The following RPTOR variants were observed in gnomAD, a reference collection of about 807,000 sequenced individuals.
RPTOR encodes regulatory associated protein of MTOR complex 1.
In RPTOR, 21 loss-of-function variants were observed where a neutral mutation model predicts 169.9. The ratio of observed to expected loss-of-function variants is 0.12; its 90% CI spans 0.09 to 0.18. The LOEUF (loss-of-function observed/expected upper bound fraction) is 0.18. RPTOR is among the 10% of genes least tolerant of loss of function. RPTOR has a pLI of 1.00. For missense variants in RPTOR, 1,133 were observed against 1,855.9 expected (o/e 0.61, Z 7.16); for synonymous variants, 732 against 753.2 (o/e 0.97, Z 0.46).
chr17:80,736,886 G>A (rs1304206511), intron 5 of RPTOR, among the ~76,000 whole-genome samples: 2 of 152,182 alleles, frequency 1.3e-5, no homozygotes, highest in African/African-American at 2.4e-5. Flanking sequence ...TTCAGAGGAG[G>A]GATCTGCGGT....
chr17:80,929,259 T>C (rs758500345), intron 24 of RPTOR, among the ~76,000 whole-genome samples: 4 of 152,228 alleles, frequency 2.6e-5, no homozygotes, highest in Admixed American at 6.5e-5. Context: ...ACAAAATGCT[T>C]GCACGAGCTC....
chr17:80,858,052 C>T (rs1316280629), intron 13 of RPTOR, 152 bp downstream of exon 13: 29 of 661,096 alleles, frequency 4.4e-5, no homozygotes, highest in East Asian at 8.2e-5. Context: ...TAAAGTGGGA[C>T]GCGCCCGCCT....
chr17:80,917,664 G>C (rs1470676487), intron 21 of RPTOR, among the ~76,000 whole-genome samples: 1 of 152,304 alleles, frequency 6.6e-6, no homozygotes, highest in East Asian at 1.9e-4. Flanking sequence ...GATCTCAGCC[G>C]ATCTGCATAT....
At chr17:80,692,582 A>G (rs1240357182) in intron 3 of RPTOR, among the ~76,000 whole-genome samples, 1 of 152,060 alleles carries the variant, frequency 6.6e-6, no homozygotes, top group Non-Finnish European at 1.5e-5. Context: ...TGGCCTCCCA[A>G]AGTGCTAGGA....
intron 3 of RPTOR, among the ~76,000 whole-genome samples, chr17:80,644,153 C>T (rs1232635920): frequency 6.6e-6 from 1 of 152,184 alleles, no homozygotes; most frequent in East Asian, 1.9e-4. Context: ...TTTTCTGCAA[C>T]CTCAACTAGT....
chr17:80,901,044 G>A (rs2068470106), intron 20 of RPTOR, among the ~76,000 whole-genome samples: 2 of 152,272 alleles, frequency 1.3e-5, no homozygotes, highest in South Asian at 4.1e-4. Context: ...TGAGGCTGCT[G>A]TTTGCTGTGC....
chr17:80,746,224 C>T lies in RPTOR; in HGVS notation c.655-7786C>T, dbSNP rs985256260. ...ACCGCCCCCACAGCGGTGCTTTCTG[C>T]GGGTGATCCCCACCGCCCCCACAGC... is the stretch of plus-strand genomic sequence containing the variant. On this transcript the variant is annotated intron_variant, in intron 5 of 33. Transcript: ENST00000306801. This position sits in a 1 kb window ranked among gnomAD's most constrained non-coding sequence, Gnocchi z 4.5. 1.4e-5 allele frequency among the ~76,000 whole-genome samples: 2 copies of T among 144,308 alleles called. No homozygotes were observed. Among genetic ancestry groups the T allele is most frequent in the Non-Finnish European group, 3.1e-5 (2 of 63,944 alleles). 94.7% of individuals were successfully genotyped at this position (144,308 alleles called of 152,430 possible).
intron 1 of RPTOR, among the ~76,000 whole-genome samples, chr17:80,619,650 C>T (rs1015468399): frequency 6.6e-6 from 1 of 152,156 alleles, no homozygotes; most frequent in Admixed American, 6.6e-5. Flanking sequence ...AACGCTTGGC[C>T]TGAGCTGGGG....
chr17:80,757,699 A>G (rs954654607), intron 6 of RPTOR, among the ~76,000 whole-genome samples: 1 of 152,148 alleles, frequency 6.6e-6, no homozygotes, highest in African/African-American at 2.4e-5. Context: ...TGGGATATCC[A>G]TCACCTGAAA....
At chr17:80,743,891 T>TG (rs2066522318) in intron 5 of RPTOR, among the ~76,000 whole-genome samples, 1 of 33,722 alleles carries the variant, frequency 3.0e-5, no homozygotes, top group African/African-American at 2.8e-4. Flanking sequence ...CTACTAGCAC[T>TG]GTCCTGGTTA....
At chr17:80,617,783 A>G (rs991892402) in intron 1 of RPTOR, among the ~76,000 whole-genome samples, 1 of 152,202 alleles carries the variant, frequency 6.6e-6, no homozygotes, top group Admixed American at 6.5e-5. Flanking sequence ...CTCCTCACGC[A>G]GTCCTTGGTG....
intron 1 of RPTOR, among the ~76,000 whole-genome samples, chr17:80,572,085 A>G (rs2064912539): frequency 6.6e-6 from 1 of 152,198 alleles, no homozygotes; most frequent in Non-Finnish European, 1.5e-5. Flanking sequence ...CTGCTGAACA[A>G]TGTTGAAATT....
chr17:80,704,537 A>G (rs1255113593), intron 3 of RPTOR, among the ~76,000 whole-genome samples: 2 of 152,234 alleles, frequency 1.3e-5, no homozygotes, highest in African/African-American at 4.8e-5. Context: ...CAGCACCTGG[A>G]TGCAGCTGTT....
At chr17:80,882,175 G>A (rs981747955) in intron 14 of RPTOR, among the ~76,000 whole-genome samples, 1 of 152,282 alleles carries the variant, frequency 6.6e-6, no homozygotes, top group South Asian at 2.1e-4. Flanking sequence ...GCTAAGAGCC[G>A]GGCTGGGAAC....
intron 5 of RPTOR, among the ~76,000 whole-genome samples, chr17:80,737,250 C>T (rs1567882903): frequency 6.6e-6 from 1 of 152,162 alleles, no homozygotes; most frequent in Non-Finnish European, 1.5e-5. Flanking sequence ...GAGGCGTTGG[C>T]TAGAGGGCCT....
At chr17:80,550,210 T>C (rs1342336332) in intron 1 of RPTOR, among the ~76,000 whole-genome samples, 1 of 152,242 alleles carries the variant, frequency 6.6e-6, no homozygotes, top group Non-Finnish European at 1.5e-5. Context: ...CCCCAGTTTG[T>C]TGCTAAATCT....
chr17:80,922,594 G>T, intron 21 of RPTOR, 130 bp from the exon 22 acceptor site: 1 of 740,476 alleles, frequency 1.4e-6, no homozygotes. Flanking sequence ...TTCCATTGGT[G>T]TTGGTGCTTC....
intron 1 of RPTOR, among the ~76,000 whole-genome samples, chr17:80,606,592 A>G (rs1472383460): frequency 6.6e-6 from 1 of 151,896 alleles, no homozygotes; most frequent in Non-Finnish European, 1.5e-5. Flanking sequence ...TTGATTAAGG[A>G]TTTTGGGAGT....
rs115761986 is a variant in RPTOR, at chr17:80,581,370, C to T, written c.162+35579C>T. On this transcript the variant is annotated intron_variant, in intron 1 of 33. Coordinates refer to ENST00000306801, the MANE Select transcript of RPTOR (RefSeq NM_020761.3). ...AACATTTAGCCATTCCTGTGAAAGC[C>T]GCTGTGTATGTGGTGGCCTTAATCA... 7.4e-3 allele frequency among the ~76,000 whole-genome samples: 1,128 copies of T among 152,340 alleles called. 25 individuals are homozygous for T. The highest frequency in any genetic ancestry group is 0.026 in the African/African-American group (1,076 of 41,568).
Sources: gnomAD v4.1 joint callset for allele counts (sites outside exome capture counted in the v4.1 genomes callset) on GRCh38, gnomAD v4.1.1 for gene constraint, Gnocchi (gnomAD v3.1) non-coding constraint, MANE v1.5 for transcripts, NCBI Gene and HGNC (gene_info 2026-07-23, HGNC 2026-07-21) for gene names.